The following SPATA6 variants were observed in gnomAD, a reference collection of about 807,000 sequenced individuals.
The protein encoded by SPATA6 is spermatogenesis-associated protein 6.
A neutral mutation model predicts 65.3 loss-of-function variants in SPATA6; 56 were observed. That is an observed-to-expected ratio of 0.86 (90% CI 0.69 to 1.07). SPATA6 has a LOEUF of 1.07. SPATA6 is among the 50% of genes least tolerant of loss of function. The probability of loss-of-function intolerance (pLI) is 0.00; values close to 1 mark genes in which losing one functional copy is unlikely to be tolerated. For synonymous variants in SPATA6, 199 were observed against 213.2 expected, an observed-to-expected ratio of 0.93 and a Z score of 0.58; for missense variants, 590 against 594.8, an observed-to-expected ratio of 0.99 and a Z score of 0.08.
At chr1:48,273,272 G>A in the SPATA6 span, among the ~76,000 whole-genome samples, 2 of 152,190 alleles carry the variant, frequency 1.3e-5, no homozygotes, top group Admixed American at 1.3e-4. Context: ...TCCATTTTGA[G>A]TTGATTTTGT....
At position 48,399,370 on chromosome 1, in the gene SPATA6, G is replaced by A. The variant is rs774408561; in HGVS notation, c.761C>T (p.Pro254Leu). 2.5e-6 allele frequency: 4 copies of A among 1,612,624 alleles called. No individual in the cohort carries two copies. Among genetic ancestry groups the A allele is most frequent in the Non-Finnish European group, 2.5e-6 (3 of 1,179,204 alleles). Residue 254 changes from proline to leucine, a missense_variant, in exon 7 of 13, where the codon CCT becomes CTT. Pro to Leu is a moderately conservative substitution (Grantham distance 98, BLOSUM62 -3). Coordinates refer to ENST00000371847, the MANE Select transcript of SPATA6 (RefSeq NM_019073.4). Reference sequence around the variant, plus strand: ...ACATACATGTCTAATCACAAATGGAGGTTTATCTGTTTCTTTTTTGAACTC... The same window carrying A: ...ACATACATGTCTAATCACAAATGGAAGTTTATCTGTTTCTTTTTTGAACTC... ...PYEFKKETDK[P>L]PFVIRHVDPP...
Position 48,386,423 on chromosome 1 carries a change from T to G in SPATA6, c.869-1074A>C, listed in dbSNP as rs192527493. ...AGACAATCAGTTTGCAGCTTCAAGA[T>G]AGTTGACTAGGGGCATTTTGTACTC... is the stretch of plus-strand genomic sequence containing the variant. On this transcript the variant is annotated intron_variant, in intron 8 of 12. Coordinates refer to ENST00000371847, the MANE Select transcript of SPATA6 (RefSeq NM_019073.4). Among the ~76,000 whole-genome samples, 388 of 152,308 alleles carry G rather than the reference T, an allele frequency of 2.5e-3. 1 individual carries two copies. The highest frequency in any genetic ancestry group is 4.2e-3 in the Non-Finnish European group (289 of 68,024).
chr1:48,360,084 A>G (rs1397711819), intron 9 of SPATA6, among the ~76,000 whole-genome samples: 1 of 152,162 alleles, frequency 6.6e-6, no homozygotes, highest in Non-Finnish European at 1.5e-5. Flanking sequence ...ATACATCCAC[A>G]TGAACCAAAT....
intron 1 of SPATA6, among the ~76,000 whole-genome samples, chr1:48,454,229 GCTCT>G (rs1656829432): frequency 2.6e-5 from 4 of 151,900 alleles, no homozygotes; most frequent in South Asian, 4.1e-4. Flanking sequence ...GATATTAAAG[GCTCT>G]CTAAGATTTG....
At chr1:48,363,137 T>C (rs376367581) in intron 9 of SPATA6, among the ~76,000 whole-genome samples, 1 of 152,006 alleles carries the variant, frequency 6.6e-6, no homozygotes, top group South Asian at 2.1e-4. Flanking sequence ...GGAATTAGAG[T>C]ATATGTTTTG....
At chr1:48,342,504 T>C (rs1286368325) in intron 11 of SPATA6, among the ~76,000 whole-genome samples, 3 of 151,220 alleles carry the variant, frequency 2.0e-5, no homozygotes, top group Non-Finnish European at 4.4e-5. Flanking sequence ...TAGTCCCAGC[T>C]ACTGGGGAGG....
the SPATA6 span, among the ~76,000 whole-genome samples, chr1:48,268,975 C>T: frequency 6.6e-6 from 1 of 152,152 alleles, no homozygotes; most frequent in Non-Finnish European, 1.5e-5. Context: ...TATTCCCATT[C>T]CATGGACAGT....
At position 48,296,451 on chromosome 1, in the gene SPATA6, C is replaced by G. The variant is rs916610897; in HGVS notation, c.*2262G>C. On this transcript the variant is annotated 3_prime_UTR_variant, in exon 13 of 13. Coordinates refer to ENST00000371847, the MANE Select transcript of SPATA6 (RefSeq NM_019073.4). ...GTATTAGTTTCTAAAGTTTCCCTTTCAGCCCTACTTTTTGCAGCCTTTTTC... is the reference window on the plus strand; with the variant it reads ...GTATTAGTTTCTAAAGTTTCCCTTTGAGCCCTACTTTTTGCAGCCTTTTTC... The G allele has an allele frequency of 6.6e-6, 1 of 152,158 alleles. No individual in the cohort carries two copies. Among genetic ancestry groups the G allele is most frequent in the African/African-American group, 2.4e-5 (1 of 41,448 alleles). 9.4% of individuals were successfully genotyped at this position (152,158 alleles called of 1,614,324 possible). A position where few individuals can be genotyped will look rare whatever the true frequency, so the allele number is the denominator to read the frequency against.
intron 5 of SPATA6, among the ~76,000 whole-genome samples, chr1:48,405,373 G>A (rs1013002554): frequency 6.6e-6 from 1 of 152,112 alleles, no homozygotes; most frequent in Admixed American, 6.5e-5. Context: ...ATTATCTCAC[G>A]TAATTTCTAT....
intron 1 of SPATA6, among the ~76,000 whole-genome samples, chr1:48,461,236 T>C (rs945706760): frequency 1.3e-5 from 2 of 152,164 alleles, no homozygotes; most frequent in African/African-American, 4.8e-5. Flanking sequence ...TTCTGGATAT[T>C]AGCCCTTTGT....
the SPATA6 span, among the ~76,000 whole-genome samples, chr1:48,272,454 GC>G: frequency 6.6e-6 from 1 of 152,002 alleles, no homozygotes; most frequent in Non-Finnish European, 1.5e-5. Flanking sequence ...TCTGTGTCTT[GC>G]TTATTTTGCT....
At chr1:48,325,264 C>T in intron 11 of SPATA6, 1 of 883,984 alleles carries the variant, frequency 1.1e-6, no homozygotes, top group Non-Finnish European at 1.8e-6. Flanking sequence ...ATGGCATAAA[C>T]AAGCCACCAA....
chr1:48,382,637 C>CCG (rs1351202860), intron 9 of SPATA6, among the ~76,000 whole-genome samples: 12 of 73,562 alleles, frequency 1.6e-4, no homozygotes, highest in African/African-American at 5.3e-4. Flanking sequence ...CGACCCCCCC[C>CCG]CCCCCGCCTC....
At chr1:48,406,845 A>C (rs1402670589) in intron 5 of SPATA6, among the ~76,000 whole-genome samples, 1 of 152,190 alleles carries the variant, frequency 6.6e-6, no homozygotes, top group African/African-American at 2.4e-5. Context: ...TACTCAGTTC[A>C]TCCATGAAAG....
chr1:48,452,007 T>TA (rs1311224010), intron 2 of SPATA6, among the ~76,000 whole-genome samples: 1 of 152,160 alleles, frequency 6.6e-6, no homozygotes, highest in Non-Finnish European at 1.5e-5. Flanking sequence ...GACCACCTTT[T>TA]AAAATAGACA....
chr1:48,265,381 C>T, the SPATA6 span, among the ~76,000 whole-genome samples: 1 of 149,694 alleles, frequency 6.7e-6, no homozygotes, highest in Non-Finnish European at 1.5e-5. Flanking sequence ...TTGATAACTG[C>T]TTATATTAAA....
At chr1:48,342,541 C>T (rs1033045856) in intron 11 of SPATA6, among the ~76,000 whole-genome samples, 51 of 150,120 alleles carry the variant, frequency 3.4e-4, no homozygotes, top group African/African-American at 1.1e-3. Flanking sequence ...GCATGAACCC[C>T]GGAGGCAGAG....
chr1:48,304,006 C>T (rs535825663), intron 12 of SPATA6, among the ~76,000 whole-genome samples: 2 of 152,182 alleles, frequency 1.3e-5, no homozygotes, highest in Non-Finnish European at 2.9e-5. Flanking sequence ...CAAACTCTCT[C>T]TTGACTTCTG....
At position 48,314,776 on chromosome 1, in the gene SPATA6, A is replaced by G. The variant is rs959572931; in HGVS notation, c.1195-8898T>C. On this transcript the variant is annotated intron_variant, in intron 11 of 12. Transcript: ENST00000371847. The stretch of plus-strand genomic sequence containing the variant: ...GAGCTGGTTTTTTGAAAAGATCAAC[A>G]AAATTGATAGACCGCTAGCAACACT... 9.6e-4 allele frequency among the ~76,000 whole-genome samples: 147 copies of G among 152,332 alleles called. 2 individuals are homozygous for G. The highest frequency in any genetic ancestry group is 2.2e-4 in the Non-Finnish European group (15 of 68,026).
Sources: allele counts gnomAD v4.1 joint callset (sites outside exome capture counted in the v4.1 genomes callset), GRCh38; gene constraint gnomAD v4.1.1; transcripts MANE v1.5; gene names NCBI Gene and HGNC (gene_info 2026-07-23, HGNC 2026-07-21).